UVRAG: variants seen among roughly 807,000 people sequenced by gnomAD.
The protein encoded by UVRAG is UV radiation resistance-associated gene protein.
A neutral mutation model predicts 78.0 loss-of-function variants in UVRAG; 19 were observed. The ratio of observed to expected loss-of-function variants is 0.24; its 90% CI spans 0.17 to 0.36. The LOEUF (loss-of-function observed/expected upper bound fraction) is 0.36, where lower values mean the gene tolerates loss of function less well. Ranked by LOEUF, UVRAG falls within the 10% of genes least tolerant of loss-of-function variation. The pLI is 1.00. For missense variants in UVRAG, 740 were observed against 853.8 expected (o/e 0.87, Z 1.66); for synonymous variants, 323 against 324.6 (o/e 1.00, Z 0.05).
intron 6 of UVRAG, among the ~76,000 whole-genome samples, chr11:75,952,746 T>A (rs919405365): frequency 6.6e-6 from 1 of 152,094 alleles, no homozygotes; most frequent in Middle Eastern, 3.2e-3. Flanking sequence ...GTCTATAATT[T>A]TTTTTTCCTA....
chr11:75,904,335 A>G (rs1203734771), intron 5 of UVRAG, among the ~76,000 whole-genome samples: 5 of 152,238 alleles, frequency 3.3e-5, no homozygotes, highest in Non-Finnish European at 5.9e-5. Context: ...ATTTTGAGTG[A>G]CATGTAAATC....
At chr11:76,122,411 G>C (rs1591261490) in intron 14 of UVRAG, among the ~76,000 whole-genome samples, 1 of 152,170 alleles carries the variant, frequency 6.6e-6, no homozygotes, top group African/African-American at 2.4e-5. Context: ...ACCTCAAACA[G>C]GTTTAAGCTG....
chr11:75,858,615 G>T (rs1311605920), intron 2 of UVRAG, among the ~76,000 whole-genome samples: 1 of 152,100 alleles, frequency 6.6e-6, no homozygotes, highest in African/African-American at 2.4e-5. Context: ...TATTGATAGG[G>T]TAAATTTCAT....
chr11:75,872,447 A>G (rs1242701859), intron 3 of UVRAG, among the ~76,000 whole-genome samples: 1 of 146,346 alleles, frequency 6.8e-6, no homozygotes, highest in Non-Finnish European at 1.5e-5. Context: ...AGAGTGCAGT[A>G]GTGCGATCTC....
intron 1 of UVRAG, among the ~76,000 whole-genome samples, chr11:75,823,058 G>A (rs1041388386): frequency 4.6e-5 from 7 of 152,162 alleles, no homozygotes; most frequent in Admixed American, 2.6e-4. Flanking sequence ...GGGACTAGGC[G>A]TTGTGTCTGG....
intron 7 of UVRAG, among the ~76,000 whole-genome samples, chr11:75,975,861 T>C (rs894759183): frequency 3.9e-5 from 6 of 152,100 alleles, no homozygotes. Context: ...CCTTTGTTTC[T>C]TTCTCCTGCC....
chr11:75,849,957 G>C (rs1330736646), intron 1 of UVRAG, among the ~76,000 whole-genome samples: 1 of 152,236 alleles, frequency 6.6e-6, no homozygotes, highest in Non-Finnish European at 1.5e-5. Context: ...TGCAGCCCCT[G>C]GAGAGCCCCC....
intron 1 of UVRAG, among the ~76,000 whole-genome samples, chr11:75,826,062 C>T (rs61459412): frequency 0.051 from 7,690 of 152,144 alleles, 667 homozygotes; most frequent in African/African-American, 0.18. Context: ...GTCTCGAACT[C>T]CTGACCTTAG....
intron 5 of UVRAG, among the ~76,000 whole-genome samples, chr11:75,894,045 A>C (rs1333772042): frequency 1.3e-5 from 2 of 152,224 alleles, no homozygotes; most frequent in Non-Finnish European, 2.9e-5. Flanking sequence ...GGGAGCATAT[A>C]GTGTATAAGA....
At chr11:76,033,320 C>T (rs1040040117) in intron 12 of UVRAG, among the ~76,000 whole-genome samples, 7 of 152,070 alleles carry the variant, frequency 4.6e-5, no homozygotes, top group Non-Finnish European at 1.0e-4. Flanking sequence ...ATAAAATGAC[C>T]TTTGCATATA....
chr11:75,937,981 A>G (rs922976930), intron 6 of UVRAG, among the ~76,000 whole-genome samples: 1 of 152,056 alleles, frequency 6.6e-6, no homozygotes, highest in Non-Finnish European at 1.5e-5. Context: ...CCAAATGTTC[A>G]CTGACATTTA....
intron 7 of UVRAG, among the ~76,000 whole-genome samples, chr11:75,982,590 G>C (rs1027199184): frequency 6.6e-6 from 1 of 152,192 alleles, no homozygotes; most frequent in Non-Finnish European, 1.5e-5. Context: ...CATGGGACTC[G>C]TTTGGTTACT....
chr11:75,862,293 A>G (rs925183171), intron 3 of UVRAG, among the ~76,000 whole-genome samples: 14 of 152,152 alleles, frequency 9.2e-5, no homozygotes, highest in African/African-American at 3.4e-4. Flanking sequence ...GGGCTTTTGT[A>G]TAGGATACTC....
chr11:76,000,940 C>T (rs367909803), intron 8 of UVRAG, among the ~76,000 whole-genome samples: 25 of 152,140 alleles, frequency 1.6e-4, no homozygotes, highest in African/African-American at 5.3e-4. Context: ...CAACACTCAT[C>T]CTCAGTGATA....
chr11:76,006,615 T>C (rs1631228), intron 9 of UVRAG, among the ~76,000 whole-genome samples: 133,547 of 145,278 alleles, frequency 0.92, 61,580 homozygotes, highest in Middle Eastern at 0.98. Flanking sequence ...GAGCCAAGAT[T>C]GTGCCACTGT....
chr11:75,914,414 A>T (rs1947806528), intron 6 of UVRAG: 1 of 152,216 alleles, frequency 6.6e-6, no homozygotes, highest in Admixed American at 6.5e-5. Flanking sequence ...GTGTGAAAAC[A>T]CACAGTCTAA....
chr11:76,121,195 A>C (rs1952267563), intron 14 of UVRAG, among the ~76,000 whole-genome samples: 1 of 152,220 alleles, frequency 6.6e-6, no homozygotes. Context: ...TAATATGAGA[A>C]TGATCGACCT....
intron 12 of UVRAG, among the ~76,000 whole-genome samples, chr11:76,047,606 A>C (rs1950784696): frequency 6.6e-6 from 1 of 152,188 alleles, no homozygotes; most frequent in African/African-American, 2.4e-5. Flanking sequence ...TAGATTCCCG[A>C]ATATAAAGAT....
At chr11:76,058,916 G>A (rs886429781) in intron 12 of UVRAG, among the ~76,000 whole-genome samples, 2 of 152,322 alleles carry the variant, frequency 1.3e-5, no homozygotes, top group South Asian at 2.1e-4. Context: ...AGTAAGTAAA[G>A]GCAGAGAAAG....
Sources: gnomAD v4.1 joint callset for allele counts (sites outside exome capture counted in the v4.1 genomes callset) on GRCh38, gnomAD v4.1.1 for gene constraint, MANE v1.5 for transcripts, NCBI Gene and HGNC (gene_info 2026-07-23, HGNC 2026-07-21) for gene names.